Variants in NAALADL2 observed in about 807,000 individuals in gnomAD.
NAALADL2 encodes the protein N-acetylated alpha-linked acidic dipeptidase like 2, also known as inactive N-acetylated-alpha-linked acidic dipeptidase-like protein 2.
Under a neutral mutation model 87.2 loss-of-function variants are expected in NAALADL2, and 76 were observed. That is an observed-to-expected ratio of 0.87 (90% confidence interval 0.72 to 1.05). The LOEUF (loss-of-function observed/expected upper bound fraction) is 1.05. Among genes scored for constraint, NAALADL2 ranks in the 50% least tolerant of loss-of-function variants. The probability of loss-of-function intolerance (pLI) is 0.00; values close to 1 mark genes in which losing one functional copy is unlikely to be tolerated. For missense variants in NAALADL2, 1,089 were observed against 945.8 expected (o/e 1.15, Z -1.99); for synonymous variants, 354 against 331.0 (o/e 1.07, Z -0.75).
chr3:175,247,436 T>C, intron 3 of NAALADL2, among the ~76,000 whole-genome samples: 1 of 152,102 alleles, frequency 6.6e-6, no homozygotes, highest in East Asian at 1.9e-4. Flanking sequence ...GTAGTTATAG[T>C]TGCCATAATA....
At chr3:175,083,723 G>A (rs1199792304) in intron 1 of NAALADL2, among the ~76,000 whole-genome samples, 4 of 152,096 alleles carry the variant, frequency 2.6e-5, no homozygotes. Context: ...TCAGAAGTAT[G>A]TAGATGAGGT....
intron 10 of NAALADL2, among the ~76,000 whole-genome samples, chr3:175,581,434 T>C (rs973531346): frequency 6.6e-5 from 10 of 152,186 alleles, no homozygotes; most frequent in African/African-American, 2.2e-4. Flanking sequence ...AGCGTGAGAC[T>C]CTGTCTCTAA....
intron 5 of NAALADL2, among the ~76,000 whole-genome samples, chr3:175,345,771 G>A (rs1276436754): frequency 2.0e-5 from 3 of 152,108 alleles, no homozygotes; most frequent in Non-Finnish European, 4.4e-5. Context: ...CATAGTGATT[G>A]TCAATAGGAT....
Position 174,540,661 on chromosome 3 carries a change from T to C in NAALADL2, c.-183-9908T>C, listed in dbSNP as rs530922864. The C allele has an allele frequency of 1.1e-4, 16 of 152,324 alleles. No homozygotes were observed. The South Asian group carries it at 3.1e-3, about 30-fold the overall frequency. The allele number at this position is 152,324 out of a possible 1,614,324, so 9.4% of individuals were successfully genotyped here. A position where few individuals can be genotyped will look rare whatever the true frequency, so the allele number is the denominator to read the frequency against. ...TAATAGTTTTTTATTGTCTCTACAA[T>C]GGGGCATAAATTTACCTCACTTCAT... On this transcript the variant is annotated intron_variant, in intron 1 of 3. Coordinates refer to the NAALADL2 transcript ENST00000434257.
chr3:174,946,645 T>C (rs1370938862), intron 1 of NAALADL2, among the ~76,000 whole-genome samples: 1 of 151,748 alleles, frequency 6.6e-6, no homozygotes, highest in African/African-American at 2.4e-5. Context: ...TTTCACAAAA[T>C]AATAAAGAGT....
chr3:175,245,504 C>G (rs1337971414), intron 3 of NAALADL2, among the ~76,000 whole-genome samples: 1 of 152,132 alleles, frequency 6.6e-6, no homozygotes, highest in Non-Finnish European at 1.5e-5. Flanking sequence ...GATTGTAAAA[C>G]TGAAGACATT....
intron 3 of NAALADL2, among the ~76,000 whole-genome samples, chr3:174,738,201 A>G (rs765052817): frequency 5.3e-5 from 8 of 152,178 alleles, no homozygotes; most frequent in Non-Finnish European, 1.2e-4. Flanking sequence ...ACCTTTTGGA[A>G]CACTTCTCAG....
At chr3:174,874,680 G>C (rs1460584753) in intron 1 of NAALADL2, among the ~76,000 whole-genome samples, 1 of 152,066 alleles carries the variant, frequency 6.6e-6, no homozygotes, top group Non-Finnish European at 1.5e-5. Context: ...GAAGTACATT[G>C]CAATTCAAGG....
intron 2 of NAALADL2, among the ~76,000 whole-genome samples, chr3:174,683,080 A>T (rs1727701369): frequency 1.3e-5 from 2 of 152,176 alleles, no homozygotes; most frequent in Admixed American, 1.3e-4. Context: ...AATAATTTAA[A>T]AGAATCAAGC....
At chr3:175,443,542 G>C (rs544300373) in intron 5 of NAALADL2, among the ~76,000 whole-genome samples, 16 of 152,232 alleles carry the variant, frequency 1.1e-4, no homozygotes, top group Admixed American at 8.5e-4. Context: ...GTATTAGTTA[G>C]CCAGGGTGAA....
intron 10 of NAALADL2, among the ~76,000 whole-genome samples, chr3:175,616,342 T>C (rs1725352178): frequency 6.6e-6 from 1 of 150,428 alleles, no homozygotes; most frequent in Non-Finnish European, 1.5e-5. Flanking sequence ...ATAAATAACA[T>C]TATTATTGCT....
At chr3:174,887,793 C>A (rs1162074288) in intron 1 of NAALADL2, among the ~76,000 whole-genome samples, 3 of 148,590 alleles carry the variant, frequency 2.0e-5, no homozygotes, top group Non-Finnish European at 4.4e-5. Flanking sequence ...GATACCCTGT[C>A]TCAAAAAAAT....
chr3:175,481,819 C>A (rs1232808302), intron 9 of NAALADL2, among the ~76,000 whole-genome samples: 1 of 151,864 alleles, frequency 6.6e-6, no homozygotes, highest in African/African-American at 2.4e-5. Context: ...AACCTTGTGA[C>A]TTGCAAAAGA....
At chr3:175,186,106 G>C (rs1005564091) in intron 2 of NAALADL2, among the ~76,000 whole-genome samples, 3 of 151,944 alleles carry the variant, frequency 2.0e-5, no homozygotes, top group African/African-American at 7.2e-5. Flanking sequence ...AACTTTGTAA[G>C]GCATCAGTTT....
intron 2 of NAALADL2, among the ~76,000 whole-genome samples, chr3:175,098,222 C>T (rs1342856009): frequency 6.6e-6 from 1 of 152,032 alleles, no homozygotes; most frequent in East Asian, 1.9e-4. Context: ...ATGTGGATAA[C>T]AACACTTTTC....
At chr3:175,535,555 T>C (rs867758908) in intron 9 of NAALADL2, among the ~76,000 whole-genome samples, 1 of 152,326 alleles carries the variant, frequency 6.6e-6, no homozygotes, top group Non-Finnish European at 1.5e-5. Context: ...TCTGTCTCAA[T>C]CTCAAATTTC....
At chr3:175,381,551 C>CATAAAA (rs1767786584) in intron 5 of NAALADL2, among the ~76,000 whole-genome samples, 2 of 151,882 alleles carry the variant, frequency 1.3e-5, no homozygotes, top group African/African-American at 4.8e-5. Context: ...TTTAAGTGCT[C>CATAAAA]TTTTTACTAA....
At chr3:174,804,397 T>C (rs921730065) in intron 3 of NAALADL2, among the ~76,000 whole-genome samples, 2 of 152,210 alleles carry the variant, frequency 1.3e-5, no homozygotes, top group African/African-American at 2.4e-5. Flanking sequence ...AAATATACTA[T>C]CATGTCGTCT....
chr3:174,765,883 G>T (rs1396130129), intron 3 of NAALADL2, among the ~76,000 whole-genome samples: 1 of 152,200 alleles, frequency 6.6e-6, no homozygotes, highest in African/African-American at 2.4e-5. Context: ...AGAGGAGCAA[G>T]AAAGTCCACT....
Sources: gnomAD v4.1 joint callset for allele counts (sites outside exome capture counted in the v4.1 genomes callset) on GRCh38, gnomAD v4.1.1 for gene constraint, MANE v1.5 for transcripts, NCBI Gene and HGNC (gene_info 2026-07-23, HGNC 2026-07-21) for gene names.